Variants in RPS6KC1 observed in about 807,000 individuals in gnomAD.
RPS6KC1 encodes the protein ribosomal protein S6 kinase C1, also known as inactive ribosomal protein S6 kinase delta-1.
In RPS6KC1, 54 loss-of-function variants were observed where a neutral mutation model predicts 103.8. The observed-to-expected ratio is 0.52, with a 90% confidence interval of 0.42 to 0.65. The LOEUF (loss-of-function observed/expected upper bound fraction) is 0.65. RPS6KC1 is among the 30% of genes least tolerant of loss of function. RPS6KC1 has a pLI of 0.00. For synonymous variants in RPS6KC1, 439 were observed against 438.7 expected, an observed-to-expected ratio of 1.00 and a Z score of -0.01; for missense variants, 1,151 against 1,253.8, an observed-to-expected ratio of 0.92 and a Z score of 1.24.
chr1:213,635,391 G>A, the RPS6KC1 span, among the ~76,000 whole-genome samples: 9 of 152,226 alleles, frequency 5.9e-5, no homozygotes, highest in South Asian at 4.2e-4. Context: ...CTGGCAAACC[G>A]AATCCTGCAG....
At chr1:213,736,657 T>TG in the RPS6KC1 span, among the ~76,000 whole-genome samples, 10 of 152,186 alleles carry the variant, frequency 6.6e-5, no homozygotes, top group South Asian at 2.1e-4. Context: ...TGGGAATCAT[T>TG]GGGGGTCAAC....
the RPS6KC1 span, among the ~76,000 whole-genome samples, chr1:213,311,815 G>A: frequency 6.6e-6 from 1 of 151,968 alleles, no homozygotes; most frequent in Non-Finnish European, 1.5e-5. Context: ...GCTGTGTGAG[G>A]TGGGGAGATG....
chr1:213,665,824 C>T, the RPS6KC1 span, among the ~76,000 whole-genome samples: 2 of 152,044 alleles, frequency 1.3e-5, no homozygotes, highest in African/African-American at 2.4e-5. Context: ...TACTTTCTTC[C>T]ATACTATAAA....
the RPS6KC1 span, among the ~76,000 whole-genome samples, chr1:213,364,241 C>A: frequency 2.6e-5 from 4 of 152,262 alleles, no homozygotes; most frequent in South Asian, 8.3e-4. Flanking sequence ...GTTTGTCCAC[C>A]CCTAATTTAG....
At chr1:213,152,022 C>T (rs1211913271) in intron 6 of RPS6KC1, among the ~76,000 whole-genome samples, 1 of 139,674 alleles carries the variant, frequency 7.2e-6, no homozygotes, top group African/African-American at 2.8e-5. Context: ...GCGCCCCTCA[C>T]CTCCCGGACG....
At chr1:213,531,659 G>A in the RPS6KC1 span, among the ~76,000 whole-genome samples, 5 of 152,150 alleles carry the variant, frequency 3.3e-5, no homozygotes, top group Non-Finnish European at 7.3e-5. Context: ...GCCTCCTGAT[G>A]ACTTAGACAT....
the RPS6KC1 span, among the ~76,000 whole-genome samples, chr1:213,632,929 A>G: frequency 2.0e-5 from 3 of 152,242 alleles, no homozygotes; most frequent in Admixed American, 6.5e-5. Flanking sequence ...GATTTGAACA[A>G]GTGGAAGAAA....
intron 2 of RPS6KC1, among the ~76,000 whole-genome samples, chr1:213,077,161 C>T (rs1022143394): frequency 2.0e-5 from 3 of 152,192 alleles, no homozygotes; most frequent in Non-Finnish European, 4.4e-5. Flanking sequence ...TGAACCACTG[C>T]GCCCGGCCAG....
At chr1:213,495,423 G>A in the RPS6KC1 span, among the ~76,000 whole-genome samples, 2 of 152,180 alleles carry the variant, frequency 1.3e-5, no homozygotes, top group South Asian at 2.1e-4. Context: ...CCGGGTTCAA[G>A]CGATTCTCCT....
At chr1:213,501,041 A>T in the RPS6KC1 span, among the ~76,000 whole-genome samples, 1 of 152,330 alleles carries the variant, frequency 6.6e-6, no homozygotes, top group South Asian at 2.1e-4. Flanking sequence ...ATATTTAAAG[A>T]TATCAATAGT....
At chr1:213,812,550 T>C in the RPS6KC1 span, among the ~76,000 whole-genome samples, 38 of 152,254 alleles carry the variant, frequency 2.5e-4, 1 homozygote, top group Admixed American at 2.5e-3. Context: ...AATTCAGGGA[T>C]TGACAATGCC....
chr1:213,325,992 A>C, the RPS6KC1 span, among the ~76,000 whole-genome samples: 1 of 151,934 alleles, frequency 6.6e-6, no homozygotes, highest in Non-Finnish European at 1.5e-5. Context: ...GGTTTCTCCC[A>C]CCCCTCAGCT....
the RPS6KC1 span, among the ~76,000 whole-genome samples, chr1:213,539,695 C>G: frequency 0.035 from 5,317 of 152,286 alleles, 486 homozygotes; most frequent in East Asian, 0.28. Flanking sequence ...ATCTACTGGA[C>G]TGGATCAATA....
intron 10 of RPS6KC1, among the ~76,000 whole-genome samples, chr1:213,236,128 G>T (rs923860769): frequency 3.9e-5 from 6 of 152,130 alleles, no homozygotes. Flanking sequence ...CTCCTTATGG[G>T]AATCTAATGC....
At chr1:213,197,801 G>T (rs577040215) in intron 8 of RPS6KC1, among the ~76,000 whole-genome samples, 1 of 152,220 alleles carries the variant, frequency 6.6e-6, no homozygotes, top group East Asian at 1.9e-4. Flanking sequence ...CATTTGCAGG[G>T]AATACCTTTT....
At chr1:213,640,754 T>C in the RPS6KC1 span, among the ~76,000 whole-genome samples, 130 of 152,134 alleles carry the variant, frequency 8.5e-4, no homozygotes, top group Non-Finnish European at 1.6e-3. Context: ...AAATAGACTT[T>C]GTATAATTTC....
Position 213,232,399 on chromosome 1 carries a change from T to G in RPS6KC1, c.1225+144T>G, listed in dbSNP as rs1373785543. ...CTATTCCTCTGCTCTACCTCCCTAC[T>G]TTGAGTTGTGAGGGAAAATGAAAAC... On this transcript the variant is annotated intron_variant, in intron 10 of 14. Coordinates refer to ENST00000366960, the MANE Select transcript of RPS6KC1 (RefSeq NM_012424.6). The G allele has an allele frequency of 9.8e-6, 10 of 1,017,904 alleles. No homozygotes were observed. The Admixed American group carries it at 2.1e-4, about 21-fold the overall frequency. The allele number at this position is 1,017,904 out of a possible 1,614,324, so 63.1% of individuals were successfully genotyped here.
chr1:213,167,489 C>CACACACACACAA lies in RPS6KC1; in HGVS notation c.836-368_836-367insCACACACACAAA, dbSNP rs141541042. On this transcript the variant is annotated intron_variant, in intron 6 of 14. Coordinates refer to ENST00000366960, the MANE Select transcript of RPS6KC1 (RefSeq NM_012424.6). ...ACACACACACACACACACACACACA[C>CACACACACACAA]AACAGCTGTTGCATTTGGTCCTATT... Among the ~76,000 whole-genome samples, 1,013 of 126,128 alleles carry CACACACACACAA rather than the reference C, an allele frequency of 8.0e-3. 29 individuals are homozygous for CACACACACACAA. The highest frequency in any genetic ancestry group is 0.012 in the African/African-American group (327 of 26,246). 82.7% of individuals were successfully genotyped at this position (126,128 alleles called of 152,430 possible). A position where few individuals can be genotyped will look rare whatever the true frequency, so the allele number is the denominator to read the frequency against.
chr1:213,551,554 G>T, the RPS6KC1 span, among the ~76,000 whole-genome samples: 2 of 152,266 alleles, frequency 1.3e-5, no homozygotes, highest in Middle Eastern at 6.8e-3. Context: ...ATATGTATTT[G>T]TTAGAATAGT....
Sources: gnomAD v4.1 joint callset for allele counts (sites outside exome capture counted in the v4.1 genomes callset) on GRCh38, gnomAD v4.1.1 for gene constraint, MANE v1.5 for transcripts, NCBI Gene and HGNC (gene_info 2026-07-23, HGNC 2026-07-21) for gene names.